Variants in HMBOX1 observed in about 807,000 individuals in gnomAD.
The protein encoded by HMBOX1 is homeobox containing 1.
HMBOX1 carries 14 observed loss-of-function variants against 54.5 expected under a neutral mutation model. The ratio of observed to expected loss-of-function variants is 0.26; its 90% CI spans 0.17 to 0.40. HMBOX1 has a LOEUF of 0.40. Among genes scored for constraint, HMBOX1 ranks in the 10% least tolerant of loss-of-function variants. The pLI, the probability that HMBOX1 is intolerant of heterozygous loss-of-function variation, is 1.00. For synonymous variants in HMBOX1, 160 were observed against 181.0 expected (o/e 0.88, Z 0.93); for missense variants, 332 against 514.4 (o/e 0.65, Z 3.43).
At chr8:28,983,956 C>T (rs1393663163) in intron 4 of HMBOX1, among the ~76,000 whole-genome samples, 1 of 152,154 alleles carries the variant, frequency 6.6e-6, no homozygotes, top group East Asian at 1.9e-4. Flanking sequence ...ACATTTTTTA[C>T]CCAGACTGCC....
chr8:28,933,528 G>T (rs764591049), intron 1 of HMBOX1, among the ~76,000 whole-genome samples: 1 of 152,066 alleles, frequency 6.6e-6, no homozygotes, highest in Non-Finnish European at 1.5e-5. Context: ...TTGAAATCAA[G>T]ATCAATAAAA....
chr8:28,917,066 CAAAA>C (rs35179018), intron 1 of HMBOX1, among the ~76,000 whole-genome samples: 4 of 70,964 alleles, frequency 5.6e-5, no homozygotes, highest in Non-Finnish European at 5.9e-5. Flanking sequence ...GACCCTGTCT[CAAAA>C]AAAAAAAAAA....
At chr8:28,905,099 A>G (rs1814028706) in intron 1 of HMBOX1, among the ~76,000 whole-genome samples, 1 of 152,214 alleles carries the variant, frequency 6.6e-6, no homozygotes, top group Non-Finnish European at 1.5e-5. Context: ...GGAGTGTTTG[A>G]AACAGCCTAA....
At chr8:29,050,273 T>C (rs1806243123) in intron 9 of HMBOX1, 6 of 957,980 alleles carry the variant, frequency 6.3e-6, no homozygotes, top group African/African-American at 1.8e-5. Flanking sequence ...ATACCCCTTA[T>C]TTGTAACACC....
chr8:28,989,204 A>G (rs1254200476), intron 4 of HMBOX1, among the ~76,000 whole-genome samples: 4 of 152,074 alleles, frequency 2.6e-5, no homozygotes, highest in Non-Finnish European at 5.9e-5. Context: ...CCTGGGAGGC[A>G]GAGGTTGGGG....
At chr8:28,914,957 T>C (rs141401923) in intron 1 of HMBOX1, among the ~76,000 whole-genome samples, 1 of 152,362 alleles carries the variant, frequency 6.6e-6, no homozygotes. Context: ...CTGGATTAGA[T>C]ATGTTCAGTT....
At chr8:29,016,468 T>G (rs1282658110) in intron 5 of HMBOX1, among the ~76,000 whole-genome samples, 3 of 152,252 alleles carry the variant, frequency 2.0e-5, no homozygotes, top group African/African-American at 7.2e-5. Context: ...TGAGGATGAT[T>G]GTGATAATTT....
chr8:28,935,182 A>G (rs1187306922), intron 1 of HMBOX1, among the ~76,000 whole-genome samples: 2 of 152,214 alleles, frequency 1.3e-5, no homozygotes, highest in Non-Finnish European at 2.9e-5. Context: ...AATAATTTGT[A>G]ATTTTCAGTT....
At position 29,040,507 on chromosome 8, in the gene HMBOX1, A is replaced by G. The variant is rs1316710785; in HGVS notation, c.852-4854A>G. Among the ~76,000 whole-genome samples, 3 of 152,222 alleles carry G rather than the reference A, an allele frequency of 2.0e-5. No individual in the cohort carries two copies. In the East Asian group the frequency reaches 5.8e-4, roughly 29 times the overall value. On this transcript the variant is annotated intron_variant, in intron 6 of 9. Coordinates refer to ENST00000287701, the MANE Select transcript of HMBOX1 (RefSeq NM_001135726.3). ...ATTTTATCAGTTTAGATTATACTGT[A>G]TATCTTGAATTAATATTTTTTAAAC...
intron 1 of HMBOX1, among the ~76,000 whole-genome samples, chr8:28,895,711 A>G (rs1234231237): frequency 6.6e-6 from 1 of 152,056 alleles, no homozygotes; most frequent in Non-Finnish European, 1.5e-5. Context: ...TTGTATTGTT[A>G]AAACATGAAA....
intron 1 of HMBOX1, among the ~76,000 whole-genome samples, chr8:28,897,743 A>T (rs1228631884): frequency 6.6e-6 from 1 of 152,250 alleles, no homozygotes; most frequent in African/African-American, 2.4e-5. Context: ...GTTTGTTGCT[A>T]GAGAGGATAT....
chr8:28,917,226 TA>T lies in HMBOX1; in HGVS notation c.-58+26549del, dbSNP rs1331340087. ...CATGAACACTGTATATCTCTCCATT[TA>T]TTTAGATCATCTTTGATTTTTTCTG... On this transcript the variant is annotated intron_variant, in intron 1 of 9. Coordinates refer to ENST00000287701, the MANE Select transcript of HMBOX1 (RefSeq NM_001135726.3). Among the ~76,000 whole-genome samples, 4 of 152,314 alleles carry T rather than the reference TA, an allele frequency of 2.6e-5. No homozygotes were observed. In the South Asian group the frequency reaches 8.3e-4, roughly 32 times the overall value.
intron 2 of HMBOX1, among the ~76,000 whole-genome samples, chr8:28,966,554 G>A (rs531291111): frequency 2.0e-4 from 30 of 152,078 alleles, no homozygotes; most frequent in Non-Finnish European, 3.5e-4. Flanking sequence ...ACCTTTGTAG[G>A]TCATTTACTG....
intron 1 of HMBOX1, among the ~76,000 whole-genome samples, chr8:28,906,024 A>G (rs1814262866): frequency 6.6e-6 from 1 of 152,182 alleles, no homozygotes; most frequent in Non-Finnish European, 1.5e-5. Flanking sequence ...TCATTGCCTA[A>G]TAAAAGTGAT....
At position 28,972,366 on chromosome 8, in the gene HMBOX1, C is replaced by T. The variant is rs139487848; in HGVS notation, c.500+1847C>T. On this transcript the variant is annotated intron_variant, in intron 3 of 9. Coordinates refer to ENST00000287701, the MANE Select transcript of HMBOX1 (RefSeq NM_001135726.3). Reference sequence around the variant, plus strand: ...TAGCTGGGACTGCAGGCGTGTGCCACCATGCCCAGCTAATTTTTTTTTTAA... The same window carrying T: ...TAGCTGGGACTGCAGGCGTGTGCCATCATGCCCAGCTAATTTTTTTTTTAA... Among the ~76,000 whole-genome samples the T allele has an allele frequency of 2.2e-3, 329 of 152,200 alleles. 1 individual carries two copies. The highest frequency in any genetic ancestry group is 8.3e-3 in the South Asian group (40 of 4,814).
intron 1 of HMBOX1, among the ~76,000 whole-genome samples, chr8:28,900,414 T>C (rs1813035173): frequency 6.6e-6 from 1 of 151,680 alleles, no homozygotes; most frequent in Non-Finnish European, 1.5e-5. Context: ...GGAAAATGCA[T>C]AGACAGCATA....
intron 4 of HMBOX1, among the ~76,000 whole-genome samples, chr8:29,005,667 C>T (rs999075003): frequency 3.9e-5 from 6 of 152,126 alleles, no homozygotes; most frequent in Admixed American, 6.5e-5. Flanking sequence ...CCCTCCAGAT[C>T]GAGATAAAGA....
intron 3 of HMBOX1, among the ~76,000 whole-genome samples, chr8:28,971,214 T>C (rs754075152): frequency 2.5e-4 from 38 of 150,430 alleles, no homozygotes; most frequent in Middle Eastern, 6.8e-3. Context: ...TGTCTCAGCC[T>C]CCCGAGTAGC....
intron 1 of HMBOX1, among the ~76,000 whole-genome samples, chr8:28,936,335 G>A (rs952164870): frequency 3.3e-5 from 5 of 151,710 alleles, no homozygotes; most frequent in Non-Finnish European, 7.4e-5. Flanking sequence ...CCTTTCACCA[G>A]TATTACTTTT....
Sources: allele counts gnomAD v4.1 joint callset (sites outside exome capture counted in the v4.1 genomes callset), GRCh38; gene constraint gnomAD v4.1.1; transcripts MANE v1.5; gene names NCBI Gene and HGNC (gene_info 2026-07-23, HGNC 2026-07-21).